The following SAR1B variants were observed in gnomAD, a reference collection of about 807,000 sequenced individuals.
SAR1B encodes the protein secretion associated Ras related GTPase 1B.
In SAR1B, 23 loss-of-function variants were observed where a neutral mutation model predicts 26.8. The ratio of observed to expected loss-of-function variants is 0.86; its 90% CI spans 0.62 to 1.22. SAR1B has a LOEUF of 1.22. Ranked by LOEUF, SAR1B falls within the 50% of genes most tolerant of loss-of-function variation. The pLI is 0.00. For missense variants in SAR1B, 196 were observed against 232.8 expected (o/e 0.84, Z 1.03); for synonymous variants, 65 against 80.8 (o/e 0.80, Z 1.05).
intron 3 of SAR1B, among the ~76,000 whole-genome samples, chr5:134,616,293 C>G (rs1765315632): frequency 6.6e-6 from 1 of 151,382 alleles, no homozygotes; most frequent in African/African-American, 2.4e-5. Context: ...AAAAATTAGC[C>G]GGGAGTGGTG....
chr5:134,629,720 C>CA (rs1011259433), intron 1 of SAR1B, among the ~76,000 whole-genome samples: 11 of 148,310 alleles, frequency 7.4e-5, no homozygotes, highest in Non-Finnish European at 1.0e-4. Flanking sequence ...AACAAACAAA[C>CA]AAACAAAAAA....
intron 3 of SAR1B, chr5:134,614,514 C>T (rs766807794): frequency 4.6e-5 from 7 of 152,252 alleles, no homozygotes; most frequent in Admixed American, 2.6e-4. Flanking sequence ...GATTAAACAA[C>T]AATTCCTGGC....
chr5:134,623,447 A>G (rs1160127320), intron 2 of SAR1B, among the ~76,000 whole-genome samples: 1 of 151,458 alleles, frequency 6.6e-6, no homozygotes. Flanking sequence ...CTCAGAAACA[A>G]ACAAACAAAC....
intron 3 of SAR1B, among the ~76,000 whole-genome samples, chr5:134,620,447 G>T (rs1486068919): frequency 6.6e-6 from 1 of 152,138 alleles, no homozygotes; most frequent in Non-Finnish European, 1.5e-5. Context: ...TGATAAAAAG[G>T]TATGAGTACT....
intron 2 of SAR1B, among the ~76,000 whole-genome samples, chr5:134,622,095 A>C (rs1030058143): frequency 2.6e-5 from 4 of 152,212 alleles, no homozygotes; most frequent in African/African-American, 9.6e-5. Context: ...CCTGACTGAA[A>C]TAAACAAACT....
Position 134,609,576 on chromosome 5 carries a change from GTTC to G in SAR1B, c.340_342del (p.Glu114del). 3 of 1,612,216 alleles carry G rather than the reference GTTC, an allele frequency of 1.9e-6. No homozygotes were observed. The highest frequency in any genetic ancestry group is 2.5e-6 in the Non-Finnish European group (3 of 1,178,272). On this transcript the variant is annotated inframe_deletion, in exon 5 of 7. Coordinates refer to ENST00000402673, the MANE Select transcript of SAR1B (RefSeq NM_016103.4). ...GTTTCAGTTATTTAACTTACATCAA[GTTC>G]TTCTTTTGACTCTAACAGCCTTTCG...
At chr5:134,632,310 C>G (rs922590087) in intron 1 of SAR1B, 1 of 152,176 alleles carries the variant, frequency 6.6e-6, no homozygotes, top group African/African-American at 2.4e-5. Context: ...AAAACGTTAA[C>G]CAGTACTAGT....
chr5:134,612,578 G>GAGGTTGC, intron 4 of SAR1B, 113 bp downstream of exon 4: 1 of 1,041,934 alleles, frequency 9.6e-7, no homozygotes, highest in East Asian at 2.9e-5. Flanking sequence ...CCAGGAGGCA[G>GAGGTTGC]AGGTTGCAGT....
chr5:134,617,871 CG>C (rs1765340330), intron 3 of SAR1B, among the ~76,000 whole-genome samples: 1 of 152,004 alleles, frequency 6.6e-6, no homozygotes, highest in Non-Finnish European at 1.5e-5. Flanking sequence ...TAGTACAGAA[CG>C]GGTTTCACGA....
intron 1 of SAR1B, among the ~76,000 whole-genome samples, chr5:134,629,342 T>A (rs1281129084): frequency 6.6e-6 from 1 of 150,596 alleles, no homozygotes; most frequent in Non-Finnish European, 1.5e-5. Flanking sequence ...GGGGATCACT[T>A]GAACCCAGGA....
chr5:134,613,852 G>C (rs1765261327), intron 3 of SAR1B: 1 of 152,196 alleles, frequency 6.6e-6, no homozygotes. Context: ...TAGACTGCCT[G>C]ATGTTGTCTC....
In SAR1B at chr5:134,621,132, G is replaced by A. The variant is rs1765400605; in HGVS notation, c.59-80C>T. 6 of 1,467,926 alleles carry A rather than the reference G, an allele frequency of 4.1e-6. No homozygotes were observed. The South Asian group carries it at 6.9e-5, about 17-fold the overall frequency. 90.9% of individuals were successfully genotyped at this position (1,467,926 alleles called of 1,614,324 possible). ...ATGAATTTAAATTTGGCCCAATTAAGCTTGAAGTTCTAAACCTATTTTCAG... is the reference window on the plus strand; with the variant it reads ...ATGAATTTAAATTTGGCCCAATTAAACTTGAAGTTCTAAACCTATTTTCAG... On this transcript the variant is annotated intron_variant, in intron 2 of 6. Transcript: ENST00000402673.
rs374385754 is a variant in SAR1B, at chr5:134,606,281, C to G, written c.*669G>C. On this transcript the variant is annotated 3_prime_UTR_variant, in exon 7 of 7. Coordinates refer to ENST00000402673, the MANE Select transcript of SAR1B (RefSeq NM_016103.4). ...AACCATCTCATGGTAAATACCTAAG[C>G]CTTGAGAGCCTTAAACGCTATTCTA... is the stretch of plus-strand genomic sequence containing the variant. 51 of 153,668 alleles carry G rather than the reference C, an allele frequency of 3.3e-4. No individual in the cohort carries two copies. The South Asian group carries it at 4.8e-3, about 15-fold the overall frequency. The allele number at this position is 153,668 out of a possible 1,614,324, so 9.5% of individuals were successfully genotyped here.
intron 2 of SAR1B, among the ~76,000 whole-genome samples, 172 bp from the exon 3 acceptor site, chr5:134,621,224 C>T (rs1357800680): frequency 6.6e-6 from 1 of 152,154 alleles, no homozygotes; most frequent in African/African-American, 2.4e-5. Flanking sequence ...AGTCCCAGCA[C>T]TTTGGGAGGC....
chr5:134,629,900 G>GA (rs60994500), intron 1 of SAR1B, among the ~76,000 whole-genome samples: 2 of 145,434 alleles, frequency 1.4e-5, no homozygotes, highest in Non-Finnish European at 3.1e-5. Context: ...AAAAAAAAAA[G>GA]AAAAAAAAGA....
chr5:134,620,383 A>C (rs1175943870), intron 3 of SAR1B, among the ~76,000 whole-genome samples: 1 of 152,160 alleles, frequency 6.6e-6, no homozygotes, highest in Non-Finnish European at 1.5e-5. Context: ...ATCATGTCAC[A>C]ATCCCTCAGA....
intron 5 of SAR1B, 128 bp downstream of exon 5, chr5:134,609,443 T>C: frequency 1.3e-6 from 1 of 746,836 alleles, no homozygotes; most frequent in Non-Finnish European, 2.4e-6. Context: ...ATCACTGAGC[T>C]CAACAAATTG....
At chr5:134,609,517 C>T (rs1481665023) in intron 5 of SAR1B, 54 bp downstream of exon 5, 3 of 1,437,772 alleles carry the variant, frequency 2.1e-6, no homozygotes, top group Non-Finnish European at 2.9e-6. Flanking sequence ...TGACCTACTT[C>T]TGCAGGCTTA....
At position 134,623,990 on chromosome 5, in the gene SAR1B, A is replaced by AAT; in HGVS notation, c.29_30insAT (p.Ser10ArgfsTer11). 1 of 1,611,994 alleles carries AAT rather than the reference A, an allele frequency of 6.2e-7. No homozygotes were observed. The highest frequency in any genetic ancestry group is 8.5e-7 in the Non-Finnish European group (1 of 1,178,092). ...AAAACTGTAGCACACTGCTGAAACC[A>AAT]CTGTAAATCCAATCAAATATGAAGG... On this transcript the variant is annotated frameshift_variant, in exon 2 of 7. Transcript: ENST00000402673. LOFTEE classifies it high-confidence loss of function.
Sources: allele counts gnomAD v4.1 joint callset (sites outside exome capture counted in the v4.1 genomes callset), GRCh38; gene constraint gnomAD v4.1.1; transcripts MANE v1.5; gene names NCBI Gene and HGNC (gene_info 2026-07-23, HGNC 2026-07-21).